The following HYCC2 variants were observed in gnomAD, a reference collection of about 807,000 sequenced individuals.
The protein encoded by HYCC2 is hyccin PI4KA lipid kinase complex subunit 2.
chr2:201,065,507 G>A, the HYCC2 span, among the ~76,000 whole-genome samples: 5 of 152,370 alleles, frequency 3.3e-5, no homozygotes, highest in South Asian at 1.0e-3. Flanking sequence ...TAAGGACACT[G>A]AGATGTAAAT....
At chr2:201,055,873 C>A in the HYCC2 span, among the ~76,000 whole-genome samples, 8 of 151,906 alleles carry the variant, frequency 5.3e-5, no homozygotes, top group African/African-American at 1.9e-4. Flanking sequence ...CCAGCTTGGG[C>A]AACATAGAAA....
At chr2:201,031,918 T>C in the HYCC2 span, among the ~76,000 whole-genome samples, 1 of 152,182 alleles carries the variant, frequency 6.6e-6, no homozygotes. Context: ...TTCCCACTAG[T>C]TTTGCACAAG....
chr2:201,058,026 A>G, the HYCC2 span, among the ~76,000 whole-genome samples: 2 of 152,164 alleles, frequency 1.3e-5, no homozygotes, highest in Non-Finnish European at 2.9e-5. Flanking sequence ...CTGATCTACA[A>G]TTTCACAATA....
At chr2:201,032,554 G>C in the HYCC2 span, among the ~76,000 whole-genome samples, 2 of 151,966 alleles carry the variant, frequency 1.3e-5, no homozygotes, top group Non-Finnish European at 2.9e-5. Flanking sequence ...TCTTCATAGA[G>C]GTCAACACAA....
the HYCC2 span, chr2:201,063,852 G>A: frequency 6.3e-7 from 1 of 1,591,860 alleles, no homozygotes. Flanking sequence ...AGCCATTTTG[G>A]AGGTGGTGGA....
At chr2:201,022,553 C>A in the HYCC2 span, 1 of 251,866 alleles carries the variant, frequency 4.0e-6, no homozygotes, top group Non-Finnish European at 7.6e-6. Context: ...GAACAGGAAA[C>A]AGAAAAGTTT....
the HYCC2 span, chr2:200,981,779 T>C: frequency 2.6e-5 from 42 of 1,614,134 alleles, no homozygotes; most frequent in South Asian, 7.7e-5. The surrounding 1 kb of genome is among the most constrained non-coding windows in gnomAD (Gnocchi z 4.5). Context: ...TTGGTCCCAA[T>C]TGGCTGACTG....
chr2:201,001,678 TTA>T, the HYCC2 span, among the ~76,000 whole-genome samples: 4 of 152,062 alleles, frequency 2.6e-5, no homozygotes, highest in African/African-American at 7.2e-5. Context: ...ATTTCTATTT[TTA>T]TTTTTTTTTT....
At chr2:200,988,592 C>A in the HYCC2 span, among the ~76,000 whole-genome samples, 1 of 152,116 alleles carries the variant, frequency 6.6e-6, no homozygotes, top group Non-Finnish European at 1.5e-5. Flanking sequence ...ATGAGAATTT[C>A]TAAAATATGA....
At chr2:201,022,165 A>C in the HYCC2 span, 1 of 1,084,408 alleles carries the variant, frequency 9.2e-7, no homozygotes, top group African/African-American at 1.6e-5. Flanking sequence ...TTTTCATTTT[A>C]AGCATACATG....
At chr2:201,059,679 G>A in the HYCC2 span, among the ~76,000 whole-genome samples, 23 of 152,038 alleles carry the variant, frequency 1.5e-4, no homozygotes, top group Admixed American at 3.3e-4. Flanking sequence ...TGATGGGGTG[G>A]GCAGAATCAT....
the HYCC2 span, among the ~76,000 whole-genome samples, chr2:201,014,732 T>C: frequency 0.053 from 8,027 of 152,212 alleles, 487 homozygotes; most frequent in African/African-American, 0.15. Flanking sequence ...AGAATATTTA[T>C]CATGAGATTC....
chr2:201,012,134 G>A, the HYCC2 span, among the ~76,000 whole-genome samples: 10 of 151,802 alleles, frequency 6.6e-5, no homozygotes, highest in Non-Finnish European at 1.3e-4. Flanking sequence ...ACAATCATTC[G>A]CAATAAACGA....
At chr2:201,011,590 A>G in the HYCC2 span, 1 of 569,976 alleles carries the variant, frequency 1.8e-6, no homozygotes, top group Non-Finnish European at 2.9e-6. Context: ...CAGAAACAGT[A>G]ATGTATAAAA....
the HYCC2 span, among the ~76,000 whole-genome samples, chr2:201,064,469 G>A: frequency 1.3e-5 from 2 of 152,144 alleles, no homozygotes; most frequent in African/African-American, 4.8e-5. Context: ...CCTTCAGGGT[G>A]ATGCCAGGTT....
chr2:201,006,371 C>T, the HYCC2 span, among the ~76,000 whole-genome samples: 1 of 150,034 alleles, frequency 6.7e-6, no homozygotes, highest in Non-Finnish European at 1.5e-5. Flanking sequence ...GAACTCCTGA[C>T]CTCAGGTGAT....
At chr2:201,033,196 TGAGAGA>T in the HYCC2 span, among the ~76,000 whole-genome samples, 2 of 106,210 alleles carry the variant, frequency 1.9e-5, no homozygotes, top group African/African-American at 7.5e-5. Context: ...TGTGTGTGTG[TGAGAGA>T]GAGAGAGAGA....
the HYCC2 span, among the ~76,000 whole-genome samples, chr2:201,013,460 G>C: frequency 2.7e-5 from 4 of 147,748 alleles, no homozygotes; most frequent in Non-Finnish European, 6.0e-5. Context: ...AGCTGAGACT[G>C]TGCCACTGCA....
the HYCC2 span, among the ~76,000 whole-genome samples, chr2:201,037,705 C>T: frequency 6.6e-6 from 1 of 152,212 alleles, no homozygotes; most frequent in Non-Finnish European, 1.5e-5. Flanking sequence ...AAAGCTGAAT[C>T]TGGATGCCTT....
Sources: allele counts gnomAD v4.1 joint callset (sites outside exome capture counted in the v4.1 genomes callset), GRCh38; gene constraint gnomAD v4.1.1; non-coding constraint Gnocchi (gnomAD v3.1); transcripts MANE v1.5; gene names NCBI Gene and HGNC (gene_info 2026-07-23, HGNC 2026-07-21).